Variants in GSE1 observed in about 807,000 individuals in gnomAD.
The protein encoded by GSE1 is genetic suppressor element 1.
GSE1 carries 32 observed loss-of-function variants against 112.6 expected under a neutral mutation model. The observed-to-expected ratio is 0.28, with a 90% CI of 0.21 to 0.38. GSE1 has a LOEUF of 0.38. Ranked by LOEUF, GSE1 falls within the 10% of genes least tolerant of loss-of-function variation. GSE1 has a pLI of 1.00. For synonymous variants in GSE1, 1,115 were observed against 735.6 expected (o/e 1.52, Z -8.35); for missense variants, 2,348 against 1,699.2 (o/e 1.38, Z -6.71).
chr16:85,366,148 T>A (rs2047180888), intron 2 of GSE1, among the ~76,000 whole-genome samples: 1 of 152,272 alleles, frequency 6.6e-6, no homozygotes, highest in Non-Finnish European at 1.5e-5. Context: ...GGTACTGGGC[T>A]CCGGCCTCCC....
At chr16:85,455,307 T>C (rs1333343880) in intron 2 of GSE1, among the ~76,000 whole-genome samples, 4 of 151,476 alleles carry the variant, frequency 2.6e-5, no homozygotes, top group Non-Finnish European at 5.9e-5. Flanking sequence ...TCGCTTGAGT[T>C]TGAGGCTGCA....
At chr16:85,639,948 A>T (rs1186606973) in intron 2 of GSE1, among the ~76,000 whole-genome samples, 1 of 151,840 alleles carries the variant, frequency 6.6e-6, no homozygotes, top group Non-Finnish European at 1.5e-5. Flanking sequence ...AGCACCTGGG[A>T]CCAGGCACCC....
intron 1 of GSE1, among the ~76,000 whole-genome samples, chr16:85,342,896 C>G (rs2046654818): frequency 6.6e-6 from 1 of 151,294 alleles, no homozygotes; most frequent in African/African-American, 2.4e-5. Flanking sequence ...CCTCTCCAAG[C>G]CATTTGTGCA....
intron 2 of GSE1, among the ~76,000 whole-genome samples, chr16:85,531,182 A>T (rs1456584526): frequency 6.6e-6 from 1 of 152,244 alleles, no homozygotes; most frequent in Non-Finnish European, 1.5e-5. Flanking sequence ...GGGGAAGGGA[A>T]GGAGCAATAG....
intron 2 of GSE1, among the ~76,000 whole-genome samples, chr16:85,403,014 C>A (rs2048152964): frequency 6.6e-6 from 1 of 152,090 alleles, no homozygotes; most frequent in South Asian, 2.1e-4. Context: ...CTTAGCCGGG[C>A]CTCCTGGGTA....
chr16:85,427,279 A>G (rs753731393), intron 2 of GSE1, among the ~76,000 whole-genome samples: 8 of 152,240 alleles, frequency 5.3e-5, no homozygotes, highest in Admixed American at 3.3e-4. Flanking sequence ...AATGTGAGCC[A>G]CGTGCTGGCT....
intron 1 of GSE1, among the ~76,000 whole-genome samples, chr16:85,321,581 A>G (rs2046107682): frequency 1.3e-5 from 2 of 152,102 alleles, no homozygotes; most frequent in African/African-American, 4.8e-5. Context: ...AGTGGCAGTG[A>G]GCCACGATCA....
chr16:85,653,067 C>G (rs1486060937), intron 3 of GSE1, among the ~76,000 whole-genome samples: 1 of 150,510 alleles, frequency 6.6e-6, no homozygotes, highest in Non-Finnish European at 1.5e-5. Flanking sequence ...AGTGCTGTCC[C>G]CACATGGGGA....
chr16:85,261,133 G>T (rs775387060), intron 1 of GSE1, among the ~76,000 whole-genome samples: 1 of 152,212 alleles, frequency 6.6e-6, no homozygotes, highest in Non-Finnish European at 1.5e-5. Context: ...GGCCAAGGCT[G>T]CCCAGGGTCT....
rs1269824871 is a variant in GSE1, at chr16:85,408,851, C to A, written c.2464+51208C>A. ...ATCCTCACTGTTACACTCAGGCCCC[C>A]CTGGATAATCCTCACTGTTACACTC... On this transcript the variant is annotated intron_variant, in intron 2 of 2. Coordinates refer to the GSE1 transcript ENST00000637419. Among the ~76,000 whole-genome samples, 2 of 49,282 alleles carry A rather than the reference C, an allele frequency of 4.1e-5. 1 individual carries two copies. Among genetic ancestry groups the A allele is most frequent in the South Asian group, 1.8e-3 (2 of 1,094 alleles). 32.3% of individuals were successfully genotyped at this position (49,282 alleles called of 152,430 possible).
intron 2 of GSE1, among the ~76,000 whole-genome samples, chr16:85,386,625 A>T (rs774815884): frequency 2.0e-5 from 3 of 152,060 alleles, no homozygotes; most frequent in Non-Finnish European, 4.4e-5. Flanking sequence ...GAGATGCTAA[A>T]CCCTCTCTGG....
At chr16:85,310,052 G>T (rs928325248) in intron 1 of GSE1, among the ~76,000 whole-genome samples, 3 of 150,836 alleles carry the variant, frequency 2.0e-5, no homozygotes, top group Admixed American at 6.6e-5. Context: ...CCCGAGCCCA[G>T]GCATAAGCCC....
chr16:85,662,792 G>T, intron 9 of GSE1, 189 bp from the exon 10 acceptor site: 1 of 564,198 alleles, frequency 1.8e-6, no homozygotes, highest in African/African-American at 1.9e-5. Context: ...TGGTGTCTGC[G>T]GTCCTGCAAA....
At chr16:85,430,957 A>G (rs563286869) in intron 2 of GSE1, among the ~76,000 whole-genome samples, 260 of 152,278 alleles carry the variant, frequency 1.7e-3, no homozygotes, top group Non-Finnish European at 3.1e-3. Flanking sequence ...AAGACTCTGC[A>G]CTTTGAGAGC....
rs115597977 is a variant in GSE1, at chr16:85,483,393, C to A, written c.2464+125750C>A. 4.6e-3 allele frequency among the ~76,000 whole-genome samples: 707 copies of A among 152,370 alleles called. 3 individuals are homozygous for A. Among genetic ancestry groups the A allele is most frequent in the African/African-American group, 0.016 (654 of 41,578 alleles). On this transcript the variant is annotated intron_variant, in intron 2 of 2. Transcript: ENST00000637419. The stretch of plus-strand genomic sequence containing the variant: ...GTGACCTTCAACCTTGGGCAAGTCC[C>A]TCACCCACTCTGTGCCTCAGTTTCC...
rs181088713 is a variant in GSE1, at chr16:85,642,365, C to T, written c.227-6187C>T. Reference sequence around the variant, plus strand: ...TTTAAACACTAACTTGGGGACAGAACTGATGACAGGAAGAGCCCCCAGGTT... The same window carrying T: ...TTTAAACACTAACTTGGGGACAGAATTGATGACAGGAAGAGCCCCCAGGTT... On this transcript the variant is annotated intron_variant, in intron 2 of 15. Transcript: ENST00000253458. 7.2e-3 allele frequency among the ~76,000 whole-genome samples: 1,095 copies of T among 152,348 alleles called. 5 individuals carry two copies. Among genetic ancestry groups the T allele is most frequent in the Admixed American group, 0.013 (206 of 15,304 alleles).
At chr16:85,627,776 A>C (rs2049199899) in intron 1 of GSE1, among the ~76,000 whole-genome samples, 1 of 152,108 alleles carries the variant, frequency 6.6e-6, no homozygotes, top group Non-Finnish European at 1.5e-5. Context: ...TGTAGACAAG[A>C]ATTCAGTCAA....
intron 3 of GSE1, among the ~76,000 whole-genome samples, chr16:85,651,121 G>A (rs1347680386): frequency 7.6e-6 from 1 of 131,958 alleles, no homozygotes; most frequent in African/African-American, 2.8e-5. Context: ...TGCAGCTGCG[G>A]CTGCAGCCGC....
intron 2 of GSE1, among the ~76,000 whole-genome samples, chr16:85,423,506 T>A (rs1029949336): frequency 2.0e-5 from 3 of 152,168 alleles, no homozygotes; most frequent in African/African-American, 7.2e-5. Context: ...GATTCCAGTG[T>A]GCAGCCAGGG....
Sources: gnomAD v4.1 joint callset for allele counts (sites outside exome capture counted in the v4.1 genomes callset) on GRCh38, gnomAD v4.1.1 for gene constraint, MANE v1.5 for transcripts, NCBI Gene and HGNC (gene_info 2026-07-23, HGNC 2026-07-21) for gene names.